TLN2: variants seen among roughly 807,000 people sequenced by gnomAD.
TLN2 encodes talin 2.
In TLN2, 118 loss-of-function variants were observed where a neutral mutation model predicts 294.7. The ratio of observed to expected loss-of-function variants is 0.40; its 90% CI spans 0.34 to 0.47. The LOEUF (loss-of-function observed/expected upper bound fraction) is 0.47, where lower values mean the gene tolerates loss of function less well. Among genes scored for constraint, TLN2 ranks in the 20% least tolerant of loss-of-function variants. The pLI is 0.84. For missense variants in TLN2, 3,083 were observed against 3,282.2 expected, an observed-to-expected ratio of 0.94 and a Z score of 1.48; for synonymous variants, 1,431 against 1,304.5, an observed-to-expected ratio of 1.10 and a Z score of -2.09.
At chr15:62,539,878 C>A (rs1215572406) in intron 1 of TLN2, among the ~76,000 whole-genome samples, 9 of 151,258 alleles carry the variant, frequency 6.0e-5, no homozygotes, top group African/African-American at 1.5e-4. Flanking sequence ...GACATCCAGG[C>A]CCCTTTTAGG....
chr15:62,806,672 C>T (rs1567647900), intron 51 of TLN2, among the ~76,000 whole-genome samples: 1 of 152,106 alleles, frequency 6.6e-6, no homozygotes, highest in African/African-American at 2.4e-5. Flanking sequence ...GGCCTGGAAC[C>T]TTTATTTTTG....
At chr15:62,832,195 TCTA>T (rs1389950595) in intron 54 of TLN2, 3 of 145,194 alleles carry the variant, frequency 2.1e-5, no homozygotes, top group African/African-American at 7.7e-5. Flanking sequence ...CTCTTAAAAA[TCTA>T]CTACTGTTGG....
chr15:62,763,807 G>T, intron 40 of TLN2, 112 bp downstream of exon 40: 7 of 1,394,138 alleles, frequency 5.0e-6, no homozygotes, highest in Non-Finnish European at 6.6e-6. Context: ...TGTTGCTGGA[G>T]TTTCACCATT....
At chr15:62,769,628 G>T (rs140551529) in intron 41 of TLN2, among the ~76,000 whole-genome samples, 4 of 152,176 alleles carry the variant, frequency 2.6e-5, no homozygotes, top group Admixed American at 1.3e-4. Context: ...TTTTGGACAC[G>T]TTCCCTCACC....
In TLN2 at chr15:62,840,639, G is replaced by C. The variant is rs1438873197; in HGVS notation, c.*29G>C. 7 of 1,609,946 alleles carry C rather than the reference G, an allele frequency of 4.3e-6. No individual in the cohort carries two copies. The East Asian group carries it at 1.1e-4, about 26-fold the overall frequency. ...TGCGAGCCCAGATGGCGAGCCCCAG[G>C]GGATGGCCCTGGCTGAACTGGACAG... On this transcript the variant is annotated 3_prime_UTR_variant, in exon 59 of 59. Coordinates refer to ENST00000636159, the MANE Select transcript of TLN2 (RefSeq NM_015059.3).
At chr15:62,527,624 A>G (rs1267512170) in intron 1 of TLN2, among the ~76,000 whole-genome samples, 1 of 152,216 alleles carries the variant, frequency 6.6e-6, no homozygotes, top group African/African-American at 2.4e-5. Flanking sequence ...TCATTCCTGC[A>G]GCAAAACAAG....
rs143642117 is a variant in TLN2 at position 62,474,322 on chromosome 15, C to T, written c.-238+83637C>T. Among the ~76,000 whole-genome samples, 3 of 152,148 alleles carry T rather than the reference C, an allele frequency of 2.0e-5. No individual in the cohort carries two copies. In the East Asian group the frequency reaches 5.8e-4, roughly 29 times the overall value. On this transcript the variant is annotated intron_variant, in intron 1 of 58. Coordinates refer to ENST00000636159, the MANE Select transcript of TLN2 (RefSeq NM_015059.3). ...CTCAGAGGAATTTGTCATCCCTTCT[C>T]CACCCCTTTTTCACTCAGTAAGAAT...
At chr15:62,515,127 T>G (rs888148021) in intron 1 of TLN2, among the ~76,000 whole-genome samples, 17 of 152,322 alleles carry the variant, frequency 1.1e-4, no homozygotes, top group Admixed American at 5.2e-4. Context: ...TTATTTCTGT[T>G]TCTCTGATTT....
chr15:62,645,165 G>A (rs1197667411), intron 3 of TLN2: 1 of 153,732 alleles, frequency 6.5e-6, no homozygotes, highest in African/African-American at 2.4e-5. Flanking sequence ...TCCCCCAATC[G>A]GGGAGTTGCT....
At chr15:62,436,711 T>C (rs2010675) in intron 1 of TLN2, among the ~76,000 whole-genome samples, 137,300 of 152,266 alleles carry the variant, frequency 0.9, 63,266 homozygotes, top group East Asian at 0.99. Flanking sequence ...CCATGATTCT[T>C]TGATTTCTCT....
At position 62,641,345 on chromosome 15, in the gene TLN2, G is replaced by A. The variant is rs144651465; in HGVS notation, c.-36-5930G>A. ...ATAATAACAAGCCCAGGCCGGGCAC[G>A]GTGGCTCACACCTGTAATCCCAGCA... On this transcript the variant is annotated intron_variant, in intron 3 of 58. Transcript: ENST00000636159. Among the ~76,000 whole-genome samples, 657 of 152,190 alleles carry A rather than the reference G, an allele frequency of 4.3e-3. 18 individuals carry two copies. The highest frequency in any genetic ancestry group is 0.036 in the Admixed American group (555 of 15,296).
intron 1 of TLN2, among the ~76,000 whole-genome samples, chr15:62,519,862 C>T (rs191642622): frequency 2.6e-5 from 4 of 152,154 alleles, no homozygotes; most frequent in Admixed American, 2.6e-4. Context: ...GTTTGTATTA[C>T]TCCGTTTTCA....
intron 1 of TLN2, among the ~76,000 whole-genome samples, chr15:62,562,741 T>C (rs1450736487): frequency 1.3e-5 from 2 of 152,066 alleles, no homozygotes; most frequent in South Asian, 2.1e-4. Context: ...GTATCATTCT[T>C]ATGCCTTTGC....
intron 37 of TLN2, among the ~76,000 whole-genome samples, chr15:62,756,522 G>A (rs769312657): frequency 1.3e-5 from 2 of 152,182 alleles, no homozygotes; most frequent in Non-Finnish European, 1.5e-5. Context: ...CTTCAAAGGA[G>A]CATTGTCATG....
intron 1 of TLN2, among the ~76,000 whole-genome samples, chr15:62,451,628 C>T (rs1341246754): frequency 2.6e-5 from 4 of 152,128 alleles, no homozygotes; most frequent in Non-Finnish European, 4.4e-5. Flanking sequence ...TGCGATCCAG[C>T]CTGGGCGACA....
chr15:62,484,656 ACC>A (rs1326209418), intron 1 of TLN2, among the ~76,000 whole-genome samples: 1 of 151,752 alleles, frequency 6.6e-6, no homozygotes, highest in Non-Finnish European at 1.5e-5. Flanking sequence ...CGAACTCCTG[ACC>A]TCATGATCCA....
At chr15:62,809,742 G>T (rs531407879) in intron 51 of TLN2, among the ~76,000 whole-genome samples, 183 bp from the exon 52 acceptor site, 3 of 152,344 alleles carry the variant, frequency 2.0e-5, no homozygotes, top group Non-Finnish European at 2.9e-5. Context: ...GACTGCATCA[G>T]AGGGCCTGCT....
chr15:62,730,706 G>A (rs2060677047), intron 28 of TLN2, among the ~76,000 whole-genome samples: 1 of 152,156 alleles, frequency 6.6e-6, no homozygotes, highest in Non-Finnish European at 1.5e-5. Flanking sequence ...TTTCTGTTGT[G>A]AAGCTATGAA....
At position 62,606,121 on chromosome 15, in the gene TLN2, G is replaced by T. The variant is rs187222850; in HGVS notation, c.-161-12230G>T. ...TTTTGAGACGGAGTCTCACTCTGTC[G>T]CCCAGGCTGGAGTGCAGTGGTGTAA... On this transcript the variant is annotated intron_variant, in intron 2 of 58. Transcript: ENST00000636159. Among the ~76,000 whole-genome samples the T allele has an allele frequency of 2.4e-3, 366 of 151,984 alleles. 1 individual carries two copies. Among genetic ancestry groups the T allele is most frequent in the South Asian group, 4.6e-3 (22 of 4,798 alleles).
Sources: allele counts gnomAD v4.1 joint callset (sites outside exome capture counted in the v4.1 genomes callset), GRCh38; gene constraint gnomAD v4.1.1; transcripts MANE v1.5; gene names NCBI Gene and HGNC (gene_info 2026-07-23, HGNC 2026-07-21).